Variants in TENM2 observed in about 807,000 individuals in gnomAD.
The protein encoded by TENM2 is teneurin-2.
Under a neutral mutation model 245.2 loss-of-function variants are expected in TENM2, and 52 were observed. That is an observed-to-expected ratio of 0.21 (90% CI 0.17 to 0.27). The LOEUF (loss-of-function observed/expected upper bound fraction) is 0.27, where lower values mean the gene tolerates loss of function less well. Among genes scored for constraint, TENM2 ranks in the 10% least tolerant of loss-of-function variants. The probability of loss-of-function intolerance (pLI) is 1.00; values close to 1 mark genes in which losing one functional copy is unlikely to be tolerated. For missense variants in TENM2, 3,046 were observed against 3,666.8 expected, an observed-to-expected ratio of 0.83 and a Z score of 4.37; for synonymous variants, 1,363 against 1,438.9, an observed-to-expected ratio of 0.95 and a Z score of 1.19.
intron 3 of TENM2, among the ~76,000 whole-genome samples, chr5:167,909,672 A>G (rs930151155): frequency 6.6e-6 from 1 of 152,224 alleles, no homozygotes; most frequent in Non-Finnish European, 1.5e-5. Flanking sequence ...AAAACAGACA[A>G]AGAGTTAGGA....
At chr5:168,182,348 A>G (rs1302802427) in intron 13 of TENM2, among the ~76,000 whole-genome samples, 1 of 152,192 alleles carries the variant, frequency 6.6e-6, no homozygotes, top group African/African-American at 2.4e-5. Flanking sequence ...ATTAAGAATA[A>G]CCTTCATGTA....
At chr5:168,199,142 TC>T in intron 16 of TENM2, 28 bp downstream of exon 18, 1 of 1,595,558 alleles carries the variant, frequency 6.3e-7, no homozygotes, top group Non-Finnish European at 8.6e-7. Context: ...AGGGCGGGAC[TC>T]TCAGGACTTC....
intron 3 of TENM2, among the ~76,000 whole-genome samples, chr5:167,884,681 C>T (rs953410649): frequency 1.3e-5 from 2 of 152,142 alleles, no homozygotes; most frequent in Admixed American, 1.3e-4. Flanking sequence ...GTGGTTTCTA[C>T]CTTTTGTCTA....
chr5:168,039,508 T>C (rs1040312293), intron 5 of TENM2, among the ~76,000 whole-genome samples: 3 of 152,164 alleles, frequency 2.0e-5, no homozygotes, highest in African/African-American at 7.2e-5. Context: ...GGTATTTTGA[T>C]CACATGGGTC....
In TENM2 at chr5:168,015,847, G is replaced by C. The variant is rs77704556; in HGVS notation, c.1186+22665G>C. Among the ~76,000 whole-genome samples the C allele has an allele frequency of 4.9e-3, 745 of 152,336 alleles. 7 individuals are homozygous for C. The highest frequency in any genetic ancestry group is 0.017 in the African/African-American group (713 of 41,576). ...ATGGTGAGCATTAATGATGCTTCAAGTTGAGGGCTTTCCTTGAATCCCTCG... is the reference window on the plus strand; with the variant it reads ...ATGGTGAGCATTAATGATGCTTCAACTTGAGGGCTTTCCTTGAATCCCTCG... On this transcript the variant is annotated intron_variant, in intron 5 of 28. Coordinates refer to ENST00000518659, the Ensembl canonical transcript of TENM2.
At chr5:168,127,002 A>G (rs372882972) in intron 12 of TENM2, 36 bp downstream of exon 14, 10 of 1,537,108 alleles carry the variant, frequency 6.5e-6, no homozygotes, top group Non-Finnish European at 6.2e-6. Flanking sequence ...TTGTAGATCT[A>G]TAGTGATGGT....
intron 2 of TENM2, among the ~76,000 whole-genome samples, chr5:167,620,106 G>A (rs1284465481): frequency 6.6e-6 from 1 of 152,142 alleles, no homozygotes; most frequent in Admixed American, 6.5e-5. Context: ...CTTCTGAGAG[G>A]TCAATAGTCG....
intron 2 of TENM2, among the ~76,000 whole-genome samples, chr5:167,733,865 G>A (rs906263863): frequency 6.6e-6 from 1 of 152,128 alleles, no homozygotes; most frequent in Admixed American, 6.5e-5. Context: ...CACTCCATAT[G>A]CATAGTGCCA....
intron 6 of TENM2, among the ~76,000 whole-genome samples, chr5:168,052,561 T>C (rs1789198782): frequency 6.6e-6 from 1 of 152,158 alleles, no homozygotes; most frequent in South Asian, 2.1e-4. Flanking sequence ...CTTTTTCCTT[T>C]ACCTTCTAAG....
intron 2 of TENM2, among the ~76,000 whole-genome samples, chr5:167,520,890 A>T (rs1770706745): frequency 6.7e-6 from 1 of 149,872 alleles, no homozygotes; most frequent in Non-Finnish European, 1.5e-5. Context: ...TCATATTCCC[A>T]ACATATTGGC....
At chr5:167,504,953 A>G (rs1355067705) in intron 2 of TENM2, among the ~76,000 whole-genome samples, 2 of 152,080 alleles carry the variant, frequency 1.3e-5, no homozygotes, top group Non-Finnish European at 2.9e-5. Flanking sequence ...TCGTCATTCA[A>G]AAAGCTGGGG....
intron 2 of TENM2, among the ~76,000 whole-genome samples, chr5:167,552,362 T>A (rs1202018847): frequency 6.6e-6 from 1 of 152,180 alleles, no homozygotes; most frequent in Non-Finnish European, 1.5e-5. Context: ...TTAGTATTAA[T>A]TTTGAGAACG....
At position 168,211,765 on chromosome 5, in the gene TENM2, G is replaced by C. The variant is rs1332267651; in HGVS notation, c.3845+11G>C. On this transcript the variant is annotated intron_variant, in intron 20 of 28. Coordinates refer to ENST00000518659, the Ensembl canonical transcript of TENM2. The stretch of plus-strand genomic sequence containing the variant: ...AGAGTTTAAACATAGGTAAGATGAA[G>C]AACTCTTTCCCATATAATTTGATAT... 7.4e-7 allele frequency: 1 copy of C among 1,345,370 alleles called. No individual in the cohort carries two copies. Among genetic ancestry groups the C allele is most frequent in the African/African-American group, 1.5e-5 (1 of 67,268 alleles). The allele number at this position is 1,345,370 out of a possible 1,614,324, so 83.3% of individuals were successfully genotyped here. A position where few individuals can be genotyped will look rare whatever the true frequency, so the allele number is the denominator to read the frequency against.
At chr5:167,287,287 A>C (rs1477548323) in intron 1 of TENM2, 3 of 152,160 alleles carry the variant, frequency 2.0e-5, no homozygotes, top group African/African-American at 7.2e-5. Context: ...GGTTAAAATA[A>C]ATTTTACACT....
chr5:167,051,908 C>T, the TENM2 span, among the ~76,000 whole-genome samples: 23,220 of 151,970 alleles, frequency 0.15, 2,636 homozygotes, highest in East Asian at 0.4. Flanking sequence ...TTTTATTTTT[C>T]CAAACTCATT....
chr5:167,322,340 G>A (rs567052851), intron 1 of TENM2, among the ~76,000 whole-genome samples: 73 of 151,964 alleles, frequency 4.8e-4, no homozygotes, highest in Middle Eastern at 3.4e-3. Flanking sequence ...TTGTATTCTG[G>A]CCCTGTTAGC....
chr5:167,924,888 C>T (rs1777632223), intron 3 of TENM2, among the ~76,000 whole-genome samples: 1 of 152,104 alleles, frequency 6.6e-6, no homozygotes, highest in Non-Finnish European at 1.5e-5. Flanking sequence ...ACTGAGAACA[C>T]CAAATACTGG....
chr5:167,083,735 GT>G, the TENM2 span, among the ~76,000 whole-genome samples: 1 of 152,148 alleles, frequency 6.6e-6, no homozygotes, highest in African/African-American at 2.4e-5. Flanking sequence ...TGCCCACCAA[GT>G]TTCCTTGAAG....
intron 1 of TENM2, among the ~76,000 whole-genome samples, chr5:167,374,046 A>G (rs1363303492): frequency 1.3e-5 from 2 of 152,168 alleles, no homozygotes; most frequent in Non-Finnish European, 2.9e-5. Flanking sequence ...GCAAAGAGAG[A>G]TTCTTTGATA....
Sources: gnomAD v4.1 joint callset for allele counts (sites outside exome capture counted in the v4.1 genomes callset) on GRCh38, gnomAD v4.1.1 for gene constraint, MANE v1.5 for transcripts, NCBI Gene and HGNC (gene_info 2026-07-23, HGNC 2026-07-21) for gene names.